Variants in LARGE2 observed in about 807,000 individuals in gnomAD.
LARGE2 encodes xylosyl- and glucuronyltransferase LARGE2.
Under a neutral mutation model 75.3 loss-of-function variants are expected in LARGE2, and 63 were observed. That is an observed-to-expected ratio of 0.84 (90% CI 0.68 to 1.03). LARGE2 has a LOEUF of 1.03. Ranked by LOEUF, LARGE2 falls within the 50% of genes least tolerant of loss-of-function variation. The probability of loss-of-function intolerance (pLI) is 0.00; values close to 1 mark genes in which losing one functional copy is unlikely to be tolerated. For missense variants in LARGE2, 925 were observed against 980.6 expected (o/e 0.94, Z 0.76); for synonymous variants, 428 against 420.1 (o/e 1.02, Z -0.23).
At position 45,927,428 on chromosome 11, in the gene LARGE2, T is replaced by A; in HGVS notation, c.1439T>A (p.Val480Glu). Residue 480 changes from valine to glutamate, a missense_variant, in exon 11 of 14, where the codon GTG becomes GAG. By Grantham distance (121) the Val-to-Glu change is moderately radical. This residue lies in a region of LARGE2 where 469 missense variants were observed against 503.8 expected (regional missense o/e 0.93). Coordinates refer to ENST00000401752, the MANE Select transcript of LARGE2 (RefSeq NM_001300721.2). ...CTGCATTTCGTCGAGGCCTCACCAG[T>A]GCTTGCTGCCCGGCAGGACGTGGCC... The part of the protein sequence containing the change: ...QFLHFVEASP[V>E]LAARQDVAYH... 1 of 1,614,206 alleles carries A rather than the reference T, an allele frequency of 6.2e-7. No homozygotes were observed. Among genetic ancestry groups the A allele is most frequent in the Non-Finnish European group, 8.5e-7 (1 of 1,180,032 alleles).
upstream of LARGE2, among the ~76,000 whole-genome samples, chr11:45,922,419 G>A (rs1449470019): frequency 6.6e-6 from 1 of 152,062 alleles, no homozygotes; most frequent in Non-Finnish European, 1.5e-5. Flanking sequence ...AGGGGGTCAG[G>A]GCAGGTAGCG....
At chr11:45,922,569 A>C (rs1297431504), upstream of LARGE2, 5 of 205,202 alleles carry the variant, frequency 2.4e-5, no homozygotes, top group African/African-American at 6.9e-5. Flanking sequence ...GGGCGGGGCC[A>C]GGACCCCGGG....
chr11:45,927,540 C>A lies in LARGE2; in HGVS notation c.1551C>A (p.Val517=), dbSNP rs1445097255. Reference sequence around the variant, plus strand: ...TGGCCCAGGCCCTCACGCCTTACGTCTTCCTCAGTGACATTGACTTCCTGC... The same window carrying A: ...TGGCCCAGGCCCTCACGCCTTACGTATTCCTCAGTGACATTGACTTCCTGC... ...VALAQALTPY[V]FLSDIDFLPA... Residue 517 remains valine (V), a synonymous_variant, in exon 11 of 14, where the codon GTC becomes GTA. Coordinates refer to ENST00000401752, the MANE Select transcript of LARGE2 (RefSeq NM_001300721.2). The A allele has an allele frequency of 2.5e-6, 4 of 1,614,190 alleles. No homozygotes were observed. The highest frequency in any genetic ancestry group is 3.4e-6 in the Non-Finnish European group (4 of 1,180,030).
Position 45,928,716 on chromosome 11 carries a change from C to T in LARGE2, c.2037C>T (p.Ser679=), listed in dbSNP as rs1014194548. 2.5e-6 allele frequency: 4 copies of T among 1,614,072 alleles called. No homozygotes were observed. The highest frequency in any genetic ancestry group is 2.7e-5 in the African/African-American group (2 of 74,944). The change falls in exon 14 of 14, where the codon AGC becomes AGT. Residue 679 remains serine, a synonymous_variant. Transcript: ENST00000401752. ...TGGACATCTCCCGCTTCCGCTCCAG[C>T]CCCACCTATCGTGACTGCCTCCAGG... ...PSLDISRFRS[S]PTYRDCLQAL...
chr11:45,925,646 ACT>A (rs1340817005), intron 6 of LARGE2, among the ~76,000 whole-genome samples: 1 of 152,122 alleles, frequency 6.6e-6, no homozygotes, highest in East Asian at 1.9e-4. Context: ...ATAGAGTGAG[ACT>A]CTATCTCATA....
In LARGE2 at chr11:45,923,164, C is replaced by T. The variant is rs1322088089; in HGVS notation, c.282C>T (p.Cys94=). ...CGCAGCCGCCGCCGCCGCCCAAGTGCGAGGTAGGTGCGCGCGGCCCTGGCG... is the reference window on the plus strand; with the variant it reads ...CGCAGCCGCCGCCGCCGCCCAAGTGTGAGGTAGGTGCGCGCGGCCCTGGCG... ...CGPQPPPPPK[C]ELLHVAIVCA... The change falls in exon 2 of 14, where the codon TGC becomes TGT. Residue 94 remains cysteine (C), a synonymous_variant. Transcript: ENST00000401752. 7.5e-7 allele frequency: 1 copy of T among 1,339,412 alleles called. No homozygotes were observed. The highest frequency in any genetic ancestry group is 1.5e-5 in the African/African-American group (1 of 64,874). 83.0% of individuals were successfully genotyped at this position (1,339,412 alleles called of 1,614,324 possible). A position where few individuals can be genotyped will look rare whatever the true frequency, so the allele number is the denominator to read the frequency against.
At position 45,928,883 on chromosome 11, in the gene LARGE2, A is replaced by T; in HGVS notation, c.*38A>T. On this transcript the variant is annotated 3_prime_UTR_variant, in exon 14 of 14. Coordinates refer to ENST00000401752, the MANE Select transcript of LARGE2 (RefSeq NM_001300721.2). Reference sequence around the variant, plus strand: ...GCTGCCCCTCATCTTAGCATTGGGCAGACACCAGGGCAACCTGCCCTCCGC... The same window carrying T: ...GCTGCCCCTCATCTTAGCATTGGGCTGACACCAGGGCAACCTGCCCTCCGC... 6.2e-7 allele frequency: 1 copy of T among 1,609,906 alleles called. No individual in the cohort carries two copies. The highest frequency in any genetic ancestry group is 1.3e-5 in the African/African-American group (1 of 74,884).
At position 45,924,682 on chromosome 11, in the gene LARGE2, G is replaced by C; in HGVS notation, c.664+5G>C. ...CCCTCTTTGCTCACTTTTCTGGTGA[G>C]AGGCCTGGGAGCCTGCCTGGCCTGC... is the stretch of plus-strand genomic sequence containing the variant. On this transcript the variant is annotated splice_donor_5th_base_variant and intron_variant, in intron 5 of 13. Transcript: ENST00000401752. The C allele has an allele frequency of 6.2e-7, 1 of 1,605,398 alleles. No individual in the cohort carries two copies. Among genetic ancestry groups the C allele is most frequent in the African/African-American group, 1.3e-5 (1 of 74,818 alleles).
chr11:45,924,086 C>G, intron 3 of LARGE2, 68 bp from the exon 4 acceptor site: 1 of 1,564,324 alleles, frequency 6.4e-7, no homozygotes, highest in East Asian at 2.4e-5. Flanking sequence ...CTGCGCCCCT[C>G]GGGGTGGGGG....
rs747263041 is a variant in LARGE2, at chr11:45,928,218, C to T, written c.1796C>T (p.Ala599Val). ...WPRGHAPTDY[A>V]RWREAQAPYR... is the part of the protein sequence containing the mutation. ...CGAGGCCACGCACCCACAGACTATG[C>T]CCGCTGGCGGGAGGCTCAGGCCCCG... Residue 599 changes from alanine to valine, a missense_variant, in exon 13 of 14, where the codon GCC (alanine) becomes GTC (valine). By Grantham distance (64) the Ala-to-Val change is moderately conservative (BLOSUM62 0). Transcript: ENST00000401752. 4 of 1,613,920 alleles carry T rather than the reference C, an allele frequency of 2.5e-6. No homozygotes were observed. The highest frequency in any genetic ancestry group is 3.4e-6 in the Non-Finnish European group (4 of 1,180,032).
rs2086985879 is a variant in LARGE2 at position 45,923,083 on chromosome 11, C to T, written c.201C>T (p.Ala67=). ...PPDGRLRRAA[A]LDGDPGAGPG... ...ACGGGAGGCTGCGGAGAGCCGCCGC[C>T]CTCGACGGAGACCCGGGGGCCGGCC... The change falls in exon 2 of 14, where the codon GCC becomes GCT. Residue 67 remains alanine, a synonymous_variant. Coordinates refer to ENST00000401752, the MANE Select transcript of LARGE2 (RefSeq NM_001300721.2). The T allele has an allele frequency of 7.1e-7, 1 of 1,412,814 alleles. No homozygotes were observed. Among genetic ancestry groups the T allele is most frequent in the Non-Finnish European group, 9.2e-7 (1 of 1,086,322 alleles). The allele number at this position is 1,412,814 out of a possible 1,614,324, so 87.5% of individuals were successfully genotyped here. A position where few individuals can be genotyped will look rare whatever the true frequency, so the allele number is the denominator to read the frequency against.
intron 4 of LARGE2, 38 bp from the exon 5 acceptor site, chr11:45,924,468 C>G (rs767674499): frequency 2.5e-6 from 4 of 1,600,938 alleles, no homozygotes; most frequent in Non-Finnish European, 3.4e-6. Flanking sequence ...TCATAGGCCC[C>G]TCTCTGCCAT....
chr11:45,927,311 A>G lies in LARGE2; in HGVS notation c.1326-4A>G. ...GAGCTGTGCTGACCTCCCTCTCCCCATAGGCTGCAGATGTTGGAAGCCCTG... is the reference window on the plus strand; with the variant it reads ...GAGCTGTGCTGACCTCCCTCTCCCCGTAGGCTGCAGATGTTGGAAGCCCTG... On this transcript the variant is annotated splice_polypyrimidine_tract_variant and splice_region_variant and intron_variant, in intron 10 of 13. Transcript: ENST00000401752. The G allele has an allele frequency of 6.2e-7, 1 of 1,611,798 alleles. No homozygotes were observed. The highest frequency in any genetic ancestry group is 2.2e-5 in the East Asian group (1 of 44,854).
At chr11:45,923,415 G>A in intron 2 of LARGE2, 58 bp from the exon 3 acceptor site, 2 of 1,530,634 alleles carry the variant, frequency 1.3e-6, no homozygotes, top group Non-Finnish European at 9.0e-7. Flanking sequence ...GCTCAACATG[G>A]GTCCTCACCG....
chr11:45,928,888 C>T lies in LARGE2; in HGVS notation c.*43C>T. The T allele has an allele frequency of 6.2e-7, 1 of 1,607,710 alleles. No homozygotes were observed. The highest frequency in any genetic ancestry group is 8.5e-7 in the Non-Finnish European group (1 of 1,177,352). On this transcript the variant is annotated 3_prime_UTR_variant, in exon 14 of 14. Transcript: ENST00000401752. ...CCCTCATCTTAGCATTGGGCAGACA[C>T]CAGGGCAACCTGCCCTCCGCCATCC...
chr11:45,922,557 A>G (rs7124323), upstream of LARGE2: 152,839 of 190,784 alleles, frequency 0.8, 63,965 homozygotes, highest in Non-Finnish European at 0.92. Flanking sequence ...TGCCGGCCCA[A>G]GGGGCGGGGC....
At chr11:45,926,925 T>A in intron 10 of LARGE2, 54 bp downstream of exon 10, 1 of 1,522,636 alleles carries the variant, frequency 6.6e-7, no homozygotes. Flanking sequence ...GGTTGGACAC[T>A]TCTGAGAGGA....
At chr11:45,926,633 T>G in intron 9 of LARGE2, 36 bp downstream of exon 9, 1 of 1,613,530 alleles carries the variant, frequency 6.2e-7, no homozygotes, top group Non-Finnish European at 8.5e-7. Context: ...CCCTCTCTGC[T>G]TTGGTGGGAC....
chr11:45,922,271 C>T (rs1214407617), upstream of LARGE2, among the ~76,000 whole-genome samples: 1 of 152,144 alleles, frequency 6.6e-6, no homozygotes, highest in Non-Finnish European at 1.5e-5. Flanking sequence ...TGTCCCAGAC[C>T]CTGCGGCCTG....
Sources: gnomAD v4.1 joint callset for allele counts (sites outside exome capture counted in the v4.1 genomes callset) on GRCh38, gnomAD v4.1.1 for gene constraint, gnomAD v4.1.1 regional missense constraint, MANE v1.5 for transcripts, NCBI Gene and HGNC (gene_info 2026-07-23, HGNC 2026-07-21) for gene names.